The following RHOA variants were observed in gnomAD, a reference collection of about 807,000 sequenced individuals.
RHOA encodes the protein transforming protein RhoA.
A neutral mutation model predicts 17.5 loss-of-function variants in RHOA; 3 were observed. The ratio of observed to expected loss-of-function variants is 0.17; its 90% CI spans 0.08 to 0.44. The LOEUF (loss-of-function observed/expected upper bound fraction) is 0.44. Among genes scored for constraint, RHOA ranks in the 20% least tolerant of loss-of-function variants. RHOA has a pLI of 0.99. For synonymous variants in RHOA, 98 were observed against 88.4 expected (o/e 1.11, Z -0.61); for missense variants, 56 against 242.3 (o/e 0.23, Z 5.10).
chr3:49,385,367 C>T (rs1487635572), intron 1 of RHOA, among the ~76,000 whole-genome samples: 3 of 151,724 alleles, frequency 2.0e-5, no homozygotes, highest in Non-Finnish European at 4.4e-5. Flanking sequence ...AGGCGTCTGC[C>T]ACCACGCCTG....
chr3:49,404,458 A>ACACACACACACACACACACACACACACAC (rs10527314), intron 1 of RHOA, among the ~76,000 whole-genome samples: 45 of 146,710 alleles, frequency 3.1e-4, no homozygotes, highest in East Asian at 8.3e-4. Context: ...ACACACACAC[A>ACACACACACACACACACACACACACACAC]AAATTAGCCG....
At chr3:49,408,316 A>G (rs910470303) in intron 1 of RHOA, among the ~76,000 whole-genome samples, 2 of 151,758 alleles carry the variant, frequency 1.3e-5, no homozygotes, top group African/African-American at 4.8e-5. Flanking sequence ...ACACACACAT[A>G]TGCTTAAATA....
rs994003764 is a variant in RHOA, at chr3:49,372,607, G to A, written c.156+2827C>T. On this transcript the variant is annotated intron_variant, in intron 2 of 4. Coordinates refer to ENST00000418115, the MANE Select transcript of RHOA (RefSeq NM_001664.4). ...AAACTAGCCAGGCGTGGTGGCGGGC[G>A]CCTGTAGTCCCGGCTACTCCGGAGG... 3.3e-5 allele frequency among the ~76,000 whole-genome samples: 5 copies of A among 152,014 alleles called. No homozygotes were observed. The South Asian group carries it at 1.0e-3, about 32-fold the overall frequency.
intron 2 of RHOA, among the ~76,000 whole-genome samples, chr3:49,370,701 G>A (rs988027277): frequency 1.6e-4 from 25 of 152,084 alleles, no homozygotes; most frequent in Non-Finnish European, 2.8e-4. Context: ...CCTGGGCTCT[G>A]AATACAAGTC....
Position 49,359,464 on chromosome 3 carries a change from C to T in RHOA, c.*745G>A, listed in dbSNP as rs2047922112. ...AAGGGGTAATATGGCCATCTTTTAT[C>T]AGAAAAAGTGACAAAACGGGAATTT... On this transcript the variant is annotated 3_prime_UTR_variant, in exon 5 of 5. Transcript: ENST00000418115. 1 of 191,804 alleles carries T rather than the reference C, an allele frequency of 5.2e-6. No individual in the cohort carries two copies. The highest frequency in any genetic ancestry group is 6.2e-5 in the Admixed American group (1 of 16,258). 11.9% of individuals were successfully genotyped at this position (191,804 alleles called of 1,614,324 possible). A position where few individuals can be genotyped will look rare whatever the true frequency, so the allele number is the denominator to read the frequency against.
chr3:49,363,451 G>C (rs2048004880), intron 3 of RHOA, among the ~76,000 whole-genome samples: 1 of 152,102 alleles, frequency 6.6e-6, no homozygotes, highest in Non-Finnish European at 1.5e-5. Flanking sequence ...ATAACCAAAA[G>C]AGGCTGGGCG....
intron 4 of RHOA, 72 bp downstream of exon 4, chr3:49,362,424 G>A (rs1236626120): frequency 6.8e-7 from 1 of 1,477,114 alleles, no homozygotes; most frequent in African/African-American, 1.4e-5. Flanking sequence ...GGTTCCTGCT[G>A]GGCTCCCCAA....
chr3:49,368,278 G>A (rs902654807), intron 3 of RHOA, 150 bp downstream of exon 3: 8 of 936,266 alleles, frequency 8.5e-6, no homozygotes, highest in African/African-American at 1.7e-5. Context: ...CAAGGCCCAC[G>A]CTCTACAATC....
At chr3:49,384,976 T>C (rs1245998988) in intron 1 of RHOA, among the ~76,000 whole-genome samples, 3 of 151,386 alleles carry the variant, frequency 2.0e-5, no homozygotes, top group African/African-American at 7.3e-5. Flanking sequence ...GGCAGGAGAA[T>C]TGTTTGAACC....
At chr3:49,362,206 C>T (rs1204842413) in intron 4 of RHOA, among the ~76,000 whole-genome samples, 1 of 152,060 alleles carries the variant, frequency 6.6e-6, no homozygotes, top group East Asian at 1.9e-4. Flanking sequence ...AAAGTTCCTA[C>T]ATCTAGAGCC....
intron 1 of RHOA, among the ~76,000 whole-genome samples, chr3:49,410,119 C>G (rs181343721): frequency 6.6e-6 from 1 of 152,290 alleles, no homozygotes; most frequent in East Asian, 1.9e-4. Flanking sequence ...CCAAACTATT[C>G]ACCATCAACA....
intron 2 of RHOA, among the ~76,000 whole-genome samples, chr3:49,371,579 C>T (rs1229745714): frequency 6.6e-6 from 1 of 152,160 alleles, no homozygotes; most frequent in Non-Finnish European, 1.5e-5. Flanking sequence ...GACGTCTGGC[C>T]TTATACTATT....
chr3:49,398,964 G>A (rs2048669117), intron 1 of RHOA, among the ~76,000 whole-genome samples: 1 of 145,598 alleles, frequency 6.9e-6, no homozygotes, highest in African/African-American at 2.5e-5. Context: ...GACTGAGACA[G>A]GAGAATTGCT....
At chr3:49,404,657 G>C (rs970016097) in intron 1 of RHOA, among the ~76,000 whole-genome samples, 1 of 147,654 alleles carries the variant, frequency 6.8e-6, no homozygotes, top group Admixed American at 6.9e-5. Flanking sequence ...GGCCAGGCAC[G>C]GTGGCTCACG....
At chr3:49,369,805 C>T (rs1048774321) in intron 2 of RHOA, among the ~76,000 whole-genome samples, 16 of 148,452 alleles carry the variant, frequency 1.1e-4, no homozygotes, top group African/African-American at 3.0e-4. Flanking sequence ...CGGTGGCTCA[C>T]GCCTGTAATC....
intron 1 of RHOA, among the ~76,000 whole-genome samples, chr3:49,385,693 A>G (rs1413620215): frequency 6.8e-6 from 1 of 147,444 alleles, no homozygotes; most frequent in East Asian, 1.9e-4. Context: ...AAAAATATAT[A>G]TGCTTCTTTC....
rs1369479796 is a variant in RHOA, at chr3:49,404,094, G to C, written c.-3+7726C>G. Among the ~76,000 whole-genome samples the C allele has an allele frequency of 8.8e-5, 9 of 102,340 alleles. 1 individual carries two copies. Among genetic ancestry groups the C allele is most frequent in the Non-Finnish European group, 2.1e-4 (8 of 38,710 alleles). The allele number at this position is 102,340 out of a possible 152,430, so 67.1% of individuals were successfully genotyped here. ...GTGGGAGGACTGTTTGAGCCCAGGA[G>C]TCTGAGACCCAACCTGGGCAAGACA... On this transcript the variant is annotated intron_variant, in intron 1 of 4. Transcript: ENST00000418115.
intron 1 of RHOA, among the ~76,000 whole-genome samples, chr3:49,381,121 A>C (rs752277985): frequency 2.6e-5 from 4 of 152,082 alleles, no homozygotes; most frequent in Non-Finnish European, 2.9e-5. Context: ...GCATGCAGTC[A>C]AGGCTAGGAG....
chr3:49,367,979 G>A (rs565457432), intron 3 of RHOA, among the ~76,000 whole-genome samples: 20 of 151,474 alleles, frequency 1.3e-4, no homozygotes, highest in Non-Finnish European at 2.6e-4. Context: ...CCATAATCTC[G>A]GCTCACTGCA....
Sources: gnomAD v4.1 joint callset for allele counts (sites outside exome capture counted in the v4.1 genomes callset) on GRCh38, gnomAD v4.1.1 for gene constraint, MANE v1.5 for transcripts, NCBI Gene and HGNC (gene_info 2026-07-23, HGNC 2026-07-21) for gene names.